Variants in ERI3 observed in about 807,000 individuals in gnomAD.
The protein encoded by ERI3 is ERI1 exoribonuclease family member 3, also known as ERI1 exoribonuclease 3.
A neutral mutation model predicts 44.4 loss-of-function variants in ERI3; 18 were observed. The ratio of observed to expected loss-of-function variants is 0.41; its 90% confidence interval spans 0.28 to 0.60. The LOEUF (loss-of-function observed/expected upper bound fraction) is 0.60. Among genes scored for constraint, ERI3 ranks in the 20% least tolerant of loss-of-function variants. The pLI is 0.36. For missense variants in ERI3, 294 were observed against 435.5 expected (o/e 0.68, Z 2.89); for synonymous variants, 183 against 164.8 (o/e 1.11, Z -0.84).
chr1:44,293,973 C>T (rs1442124151), intron 6 of ERI3, among the ~76,000 whole-genome samples: 1 of 152,230 alleles, frequency 6.6e-6, no homozygotes, highest in Non-Finnish European at 1.5e-5. Flanking sequence ...GCCAGGCCAT[C>T]ACCTGGGAGT....
chr1:44,343,592 T>A (rs1354769209), intron 2 of ERI3, among the ~76,000 whole-genome samples: 1 of 152,122 alleles, frequency 6.6e-6, no homozygotes, highest in Non-Finnish European at 1.5e-5. Context: ...CCAAGGAACG[T>A]TTACTGAGGA....
chr1:44,285,641 C>T (rs1385063980), intron 6 of ERI3, among the ~76,000 whole-genome samples: 2 of 152,170 alleles, frequency 1.3e-5, no homozygotes, highest in Non-Finnish European at 2.9e-5. Flanking sequence ...CAGACAAATC[C>T]ATTCAAACAA....
intron 8 of ERI3, among the ~76,000 whole-genome samples, chr1:44,246,307 TC>T (rs915953089): frequency 2.0e-5 from 3 of 152,210 alleles, no homozygotes; most frequent in African/African-American, 7.2e-5. Flanking sequence ...CCCCCATTTT[TC>T]TGCCCAGCAA....
intron 5 of ERI3, among the ~76,000 whole-genome samples, chr1:44,311,667 C>A (rs1412125325): frequency 1.3e-5 from 2 of 152,072 alleles, no homozygotes; most frequent in African/African-American, 4.8e-5. Flanking sequence ...AAACCCATAA[C>A]CTCAAGAGTC....
chr1:44,240,212 CTG>C (rs1187070704), intron 8 of ERI3, among the ~76,000 whole-genome samples: 2 of 152,264 alleles, frequency 1.3e-5, no homozygotes, highest in African/African-American at 4.8e-5. Context: ...ATTCTGTCCT[CTG>C]TGTGTCCTTC....
intron 2 of ERI3, among the ~76,000 whole-genome samples, chr1:44,342,832 T>TATATATAA (rs1553201394): frequency 2.1e-4 from 5 of 24,242 alleles, no homozygotes; most frequent in African/African-American, 5.8e-4. Flanking sequence ...TATATATATA[T>TATATATAA]ATATATATAT....
chr1:44,320,184 T>G (rs958795710), intron 3 of ERI3, among the ~76,000 whole-genome samples: 1 of 152,222 alleles, frequency 6.6e-6, no homozygotes, highest in South Asian at 2.1e-4. Context: ...TGTATGAAGT[T>G]TGAACCAAGC....
At position 44,295,759 on chromosome 1, in the gene ERI3, G is replaced by A. The variant is rs1645597121; in HGVS notation, c.759-10852C>T. 2.0e-5 allele frequency among the ~76,000 whole-genome samples: 3 copies of A among 152,150 alleles called. No individual in the cohort carries two copies. In the South Asian group the frequency reaches 6.2e-4, roughly 32 times the overall value. ...GGGGACCAAACAGACTTTTGCATTTGGCCAATCTTTGGGAAAAATGCAACA... is the reference window on the plus strand; with the variant it reads ...GGGGACCAAACAGACTTTTGCATTTAGCCAATCTTTGGGAAAAATGCAACA... On this transcript the variant is annotated intron_variant, in intron 6 of 8. Transcript: ENST00000372257.
chr1:44,273,068 A>C (rs1645119150), intron 7 of ERI3, among the ~76,000 whole-genome samples: 1 of 152,168 alleles, frequency 6.6e-6, no homozygotes. Flanking sequence ...AGAGCTCTCC[A>C]AAACCACACT....
chr1:44,290,273 C>A (rs985093055), intron 6 of ERI3, among the ~76,000 whole-genome samples: 1 of 152,132 alleles, frequency 6.6e-6, no homozygotes, highest in Non-Finnish European at 1.5e-5. Context: ...TATGGAGAGG[C>A]TCTGTCTTCT....
intron 7 of ERI3, among the ~76,000 whole-genome samples, chr1:44,283,331 G>T (rs1645327261): frequency 6.6e-6 from 1 of 152,232 alleles, no homozygotes; most frequent in Non-Finnish European, 1.5e-5. Context: ...CTTCATCTCT[G>T]TGATCCAGAT....
chr1:44,249,773 C>T (rs1361476503), intron 7 of ERI3, among the ~76,000 whole-genome samples: 1 of 152,110 alleles, frequency 6.6e-6, no homozygotes, highest in Non-Finnish European at 1.5e-5. Flanking sequence ...CCAGAGGAGC[C>T]GCTGAGCCTG....
At chr1:44,253,734 C>T (rs1644727896) in intron 7 of ERI3, among the ~76,000 whole-genome samples, 1 of 152,126 alleles carries the variant, frequency 6.6e-6, no homozygotes, top group South Asian at 2.1e-4. Context: ...CTGAAGGTAG[C>T]CATGCCATGA....
At chr1:44,248,902 C>G (rs1050906074) in intron 7 of ERI3, among the ~76,000 whole-genome samples, 2 of 152,108 alleles carry the variant, frequency 1.3e-5, no homozygotes, top group African/African-American at 2.4e-5. Context: ...CTTCCCTCAC[C>G]ACCTGGCTGC....
intron 7 of ERI3, among the ~76,000 whole-genome samples, chr1:44,282,331 G>T (rs1645306719): frequency 6.6e-6 from 1 of 152,092 alleles, no homozygotes; most frequent in Non-Finnish European, 1.5e-5. Flanking sequence ...ATGCTCTGCT[G>T]GGGGAGCAGA....
At position 44,339,156 on chromosome 1, in the gene ERI3, G is replaced by A. The variant is rs756640076; in HGVS notation, c.378C>T (p.His126=). The A allele has an allele frequency of 6.8e-6, 11 of 1,613,950 alleles. No homozygotes were observed. The highest frequency in any genetic ancestry group is 6.7e-5 in the Admixed American group (4 of 59,998). The part of the protein sequence containing the change: ...CSISTRKLAA[H]GFGASMAAMV... ...TTGCCGCCATGGATGCGCCAAAGCC[G>A]TGGGCCGCCAGCTTTCTGGTGGATA... Residue 126 remains histidine, a synonymous_variant, in exon 3 of 9, where the codon CAC becomes CAT. Transcript: ENST00000372257.
At chr1:44,332,100 C>T (rs900452180) in intron 3 of ERI3, among the ~76,000 whole-genome samples, 4 of 152,188 alleles carry the variant, frequency 2.6e-5, no homozygotes, top group African/African-American at 7.2e-5. Flanking sequence ...TAAAAAGAAG[C>T]CTTTTCATTG....
intron 3 of ERI3, among the ~76,000 whole-genome samples, chr1:44,323,272 T>C (rs1219228669): frequency 1.3e-5 from 2 of 152,196 alleles, no homozygotes; most frequent in Non-Finnish European, 2.9e-5. Context: ...AGATGTAGTC[T>C]CCACTTTGGA....
intron 8 of ERI3, chr1:44,230,232 C>T (rs1644147834): frequency 6.6e-6 from 1 of 152,212 alleles, no homozygotes; most frequent in African/African-American, 2.4e-5. Context: ...AGGGCGGCTG[C>T]TCTGGCCATT....
Sources: allele counts gnomAD v4.1 joint callset (sites outside exome capture counted in the v4.1 genomes callset), GRCh38; gene constraint gnomAD v4.1.1; transcripts MANE v1.5; gene names NCBI Gene and HGNC (gene_info 2026-07-23, HGNC 2026-07-21).